Variants in NRXN1 observed in about 807,000 individuals in gnomAD.
NRXN1 encodes neurexin-1.
NRXN1 carries 39 observed loss-of-function variants against 150.9 expected under a neutral mutation model. The ratio of observed to expected loss-of-function variants is 0.26; its 90% CI spans 0.20 to 0.34. The LOEUF is 0.34. Among genes scored for constraint, NRXN1 ranks in the 10% least tolerant of loss-of-function variants. NRXN1 has a pLI of 1.00. For missense variants in NRXN1, 1,815 were observed against 1,949.9 expected (o/e 0.93, Z 1.30); for synonymous variants, 924 against 757.0 (o/e 1.22, Z -3.62).
In NRXN1 at chr2:50,086,439, C is replaced by T. The variant is rs568401105; in HGVS notation, c.3718+4884G>A. Among the ~76,000 whole-genome samples, 16 of 152,144 alleles carry T rather than the reference C, an allele frequency of 1.1e-4. No individual in the cohort carries two copies. In the South Asian group the frequency reaches 1.9e-3, roughly 18 times the overall value. The stretch of plus-strand genomic sequence containing the variant: ...CTCTTCCAGACAAATTGCATGATCA[C>T]GAGAAAAGATTTACACCATCTCTAT... On this transcript the variant is annotated intron_variant, in intron 19 of 22. Coordinates refer to ENST00000401669, the MANE Select transcript of NRXN1 (RefSeq NM_001330078.2).
chr2:50,392,077 T>C (rs1220632830), intron 17 of NRXN1, among the ~76,000 whole-genome samples: 2 of 152,164 alleles, frequency 1.3e-5, no homozygotes, highest in Non-Finnish European at 2.9e-5. Context: ...GTCCCTCTCT[T>C]GAACTACTAT....
At chr2:50,108,337 C>T (rs1161720159) in intron 18 of NRXN1, among the ~76,000 whole-genome samples, 1 of 152,014 alleles carries the variant, frequency 6.6e-6, no homozygotes, top group Non-Finnish European at 1.5e-5. Flanking sequence ...TACCATGAGT[C>T]AGTCCTTTTG....
chr2:50,207,630 T>C (rs1174276926), intron 18 of NRXN1: 1 of 168,164 alleles, frequency 5.9e-6, no homozygotes, highest in East Asian at 1.9e-4. Flanking sequence ...TCAAATATTA[T>C]ACTTCAAAGG....
chr2:50,515,239 A>C (rs1375069489), intron 12 of NRXN1, among the ~76,000 whole-genome samples: 2 of 152,214 alleles, frequency 1.3e-5, no homozygotes. Flanking sequence ...AATGCCTGAT[A>C]ATCAGTCACT....
intron 17 of NRXN1, among the ~76,000 whole-genome samples, chr2:50,459,262 C>T (rs572712057): frequency 2.0e-5 from 3 of 151,998 alleles, no homozygotes; most frequent in Non-Finnish European, 2.9e-5. Context: ...AGTATTTAAC[C>T]GTTTGCTCTC....
chr2:50,078,024 G>T (rs1697355449), intron 19 of NRXN1, among the ~76,000 whole-genome samples: 1 of 151,940 alleles, frequency 6.6e-6, no homozygotes, highest in African/African-American at 2.4e-5. Context: ...GGCTAAATTT[G>T]ACACAAAATA....
intron 17 of NRXN1, among the ~76,000 whole-genome samples, chr2:50,245,045 G>T (rs1015509579): frequency 2.6e-5 from 4 of 151,864 alleles, no homozygotes; most frequent in Admixed American, 1.3e-4. Flanking sequence ...AAAAATGTAT[G>T]CAATAAGTGG....
intron 2 of NRXN1, among the ~76,000 whole-genome samples, chr2:51,025,329 T>C (rs1224635511): frequency 6.6e-5 from 10 of 152,178 alleles, no homozygotes. Flanking sequence ...CTTTATCTTA[T>C]AGAAAGAGCT....
intron 21 of NRXN1, among the ~76,000 whole-genome samples, chr2:49,958,184 GC>G (rs1046095113): frequency 4.6e-5 from 7 of 152,188 alleles, no homozygotes; most frequent in African/African-American, 1.7e-4. Context: ...TAGAGAATTT[GC>G]CTTTGTGCAT....
At position 50,531,301 on chromosome 2, in the gene NRXN1, G is replaced by C. The variant is rs1376212854; in HGVS notation, c.2273C>G (p.Thr758Ser). ...SQRAYGILMA[T>S]TSRDSADTLR... ...GGTGTCAGCAGAGTCTCTAGAAGTG[G>C]TTGCCATCAGAATGCCATATGCACG... Residue 758 changes from threonine to serine, a missense_variant, in exon 11 of 23, where the codon ACC (threonine) becomes AGC (serine). Thr to Ser is a moderately conservative substitution (Grantham distance 58, BLOSUM62 1). Coordinates refer to ENST00000401669, the MANE Select transcript of NRXN1 (RefSeq NM_001330078.2). The C allele has an allele frequency of 1.9e-6, 3 of 1,613,618 alleles. No homozygotes were observed. In the Admixed American group the frequency reaches 5.0e-5, roughly 27 times the overall value.
At chr2:50,937,223 T>C (rs1422039761) in intron 2 of NRXN1, among the ~76,000 whole-genome samples, 1 of 152,172 alleles carries the variant, frequency 6.6e-6, no homozygotes. Flanking sequence ...TTAGCCATTA[T>C]ATTATTATAA....
intron 5 of NRXN1, among the ~76,000 whole-genome samples, chr2:50,903,568 C>A (rs1218419306): frequency 6.6e-6 from 1 of 151,998 alleles, no homozygotes; most frequent in Non-Finnish European, 1.5e-5. Flanking sequence ...ATAGCCCCAC[C>A]CCCACAACAT....
At chr2:50,331,286 T>C (rs2076819312) in intron 17 of NRXN1, among the ~76,000 whole-genome samples, 1 of 152,244 alleles carries the variant, frequency 6.6e-6, no homozygotes, top group African/African-American at 2.4e-5. Context: ...TTTTTTACCT[T>C]AAAAAATACA....
At chr2:51,001,242 G>T (rs1700032801) in intron 2 of NRXN1, among the ~76,000 whole-genome samples, 4 of 132,796 alleles carry the variant, frequency 3.0e-5, no homozygotes, top group Admixed American at 1.6e-4. Context: ...GTTGGGGGGG[G>T]GGGGCGTTTG....
At chr2:50,645,798 A>C (rs908324889) in intron 5 of NRXN1, among the ~76,000 whole-genome samples, 1 of 152,000 alleles carries the variant, frequency 6.6e-6, no homozygotes, top group Admixed American at 6.6e-5. Flanking sequence ...GCTTGATTAC[A>C]GAGCTCAAAG....
At chr2:50,381,870 G>A (rs767843458) in intron 17 of NRXN1, among the ~76,000 whole-genome samples, 15 of 152,090 alleles carry the variant, frequency 9.9e-5, no homozygotes, top group Non-Finnish European at 1.3e-4. Flanking sequence ...AGTAGTTTCA[G>A]AGATTCTAAG....
chr2:50,411,803 G>A (rs929564833), intron 17 of NRXN1, among the ~76,000 whole-genome samples: 4 of 152,216 alleles, frequency 2.6e-5, no homozygotes, highest in East Asian at 1.9e-4. Context: ...CTGCCACCCC[G>A]TCCCGGAGGT....
At chr2:50,154,307 A>G (rs1473141225) in intron 18 of NRXN1, among the ~76,000 whole-genome samples, 1 of 151,762 alleles carries the variant, frequency 6.6e-6, no homozygotes, top group Non-Finnish European at 1.5e-5. Context: ...AATCATCACT[A>G]AATCATTATT....
At chr2:50,442,728 G>A (rs2086070931) in intron 17 of NRXN1, among the ~76,000 whole-genome samples, 1 of 152,128 alleles carries the variant, frequency 6.6e-6, no homozygotes, top group South Asian at 2.1e-4. Context: ...TTGGACGAGG[G>A]ATATTAAGTG....
Sources: allele counts gnomAD v4.1 joint callset (sites outside exome capture counted in the v4.1 genomes callset), GRCh38; gene constraint gnomAD v4.1.1; transcripts MANE v1.5; gene names NCBI Gene and HGNC (gene_info 2026-07-23, HGNC 2026-07-21).